The following ZNF761 variants were observed in gnomAD, a reference collection of about 807,000 sequenced individuals.
ZNF761 encodes zinc finger protein 761.
ZNF761 carries 43 observed loss-of-function variants against 59.9 expected under a neutral mutation model. The ratio of observed to expected loss-of-function variants is 0.72; its 90% CI spans 0.56 to 0.92. The LOEUF is 0.92. Among genes scored for constraint, ZNF761 ranks in the 40% least tolerant of loss-of-function variants. The pLI, the probability that ZNF761 is intolerant of heterozygous loss-of-function variation, is 0.00. For synonymous variants in ZNF761, 294 were observed against 304.8 expected (o/e 0.96, Z 0.37); for missense variants, 850 against 906.1 (o/e 0.94, Z 0.79).
intron 1 of ZNF761, among the ~76,000 whole-genome samples, chr19:53,445,785 C>T (rs139850911): frequency 0.022 from 3,370 of 152,258 alleles, 144 homozygotes; most frequent in African/African-American, 0.077. Flanking sequence ...TGTATGAGGA[C>T]ATCACAGCAA....
chr19:53,457,005 G>T lies in ZNF761; in HGVS notation c.*257G>T. 1 of 689,046 alleles carries T rather than the reference G, an allele frequency of 1.5e-6. No individual in the cohort carries two copies. The highest frequency in any genetic ancestry group is 2.5e-6 in the Non-Finnish European group (1 of 393,438). The allele number at this position is 689,046 out of a possible 1,614,324, so 42.7% of individuals were successfully genotyped here. On this transcript the variant is annotated 3_prime_UTR_variant, in exon 5 of 5. Coordinates refer to ENST00000684525, the MANE Select transcript of ZNF761 (RefSeq NM_001289951.2). ...AAACCATAAAAATGTAAGAGTTTGTGACAAGGCTTTTGGGCATGATTCGCA... is the reference window on the plus strand; with the variant it reads ...AAACCATAAAAATGTAAGAGTTTGTTACAAGGCTTTTGGGCATGATTCGCA...
At chr19:53,438,692 G>A (rs1282002904) in intron 1 of ZNF761, among the ~76,000 whole-genome samples, 18 of 152,150 alleles carry the variant, frequency 1.2e-4, no homozygotes, top group Non-Finnish European at 4.4e-5. Flanking sequence ...TCGGGTAGTC[G>A]GAGTTAGAAG....
chr19:53,453,602 G>T (rs1388440116), intron 4 of ZNF761, among the ~76,000 whole-genome samples: 1 of 152,194 alleles, frequency 6.6e-6, no homozygotes, highest in Non-Finnish European at 1.5e-5. Context: ...GCCACCAGAT[G>T]CTGTGGCTCA....
chr19:53,435,792 C>G (rs2086035905), intron 1 of ZNF761, among the ~76,000 whole-genome samples: 1 of 151,974 alleles, frequency 6.6e-6, no homozygotes, highest in Admixed American at 6.6e-5. Flanking sequence ...TCATATCCAG[C>G]AAGGACAGAA....
chr19:53,436,506 TGGA>T (rs886664104), intron 1 of ZNF761, among the ~76,000 whole-genome samples: 3 of 152,192 alleles, frequency 2.0e-5, no homozygotes, highest in African/African-American at 7.2e-5. Context: ...GCACCTGACT[TGGA>T]GGAGGACCAT....
intron 1 of ZNF761, among the ~76,000 whole-genome samples, chr19:53,432,888 G>A (rs2085987808): frequency 6.6e-6 from 1 of 151,690 alleles, no homozygotes; most frequent in African/African-American, 2.4e-5. Context: ...GGTAGGGAGA[G>A]GGACAGCAAA....
intron 1 of ZNF761, chr19:53,442,259 G>A (rs1229146718): frequency 4.6e-6 from 6 of 1,317,390 alleles, no homozygotes; most frequent in Non-Finnish European, 5.4e-6. Flanking sequence ...CTCGTAAGTT[G>A]GTGATCATTG....
At chr19:53,437,594 A>T (rs1459759904) in intron 1 of ZNF761, among the ~76,000 whole-genome samples, 3 of 152,132 alleles carry the variant, frequency 2.0e-5, no homozygotes, top group African/African-American at 7.2e-5. Context: ...CAGCGTGATC[A>T]TTGCTGCCTG....
chr19:53,452,545 T>C (rs2086230959), intron 4 of ZNF761, among the ~76,000 whole-genome samples: 1 of 151,758 alleles, frequency 6.6e-6, no homozygotes, highest in African/African-American at 2.4e-5. Context: ...GGTGACAGAG[T>C]GTGACTCGGT....
intron 4 of ZNF761, among the ~76,000 whole-genome samples, chr19:53,454,343 G>GT (rs2147142389): frequency 6.6e-6 from 1 of 152,190 alleles, no homozygotes; most frequent in South Asian, 2.1e-4. Context: ...ACAGTGATAT[G>GT]TTTTTTACAA....
intron 1 of ZNF761, among the ~76,000 whole-genome samples, chr19:53,432,693 G>A (rs2085985221): frequency 6.6e-6 from 1 of 151,884 alleles, no homozygotes; most frequent in Non-Finnish European, 1.5e-5. Flanking sequence ...ACAGAGAGCA[G>A]TGGAAAACCT....
At chr19:53,438,153 G>A (rs1179007290) in intron 1 of ZNF761, among the ~76,000 whole-genome samples, 1 of 128,532 alleles carries the variant, frequency 7.8e-6, no homozygotes, top group African/African-American at 2.8e-5. Flanking sequence ...GGTGTTTAGT[G>A]TTCTAAAGTT....
intron 4 of ZNF761, among the ~76,000 whole-genome samples, chr19:53,452,663 C>T (rs1419884953): frequency 6.6e-6 from 1 of 152,190 alleles, no homozygotes; most frequent in Non-Finnish European, 1.5e-5. Context: ...AGGTGCCAGC[C>T]AAATTGGTTC....
chr19:53,434,816 C>G (rs79516850), intron 1 of ZNF761, among the ~76,000 whole-genome samples: 1 of 152,126 alleles, frequency 6.6e-6, no homozygotes, highest in South Asian at 2.1e-4. Context: ...CTACAAACAA[C>G]ATGAGGAAAT....
At chr19:53,442,260 G>A in intron 1 of ZNF761, 2 of 1,322,496 alleles carry the variant, frequency 1.5e-6, no homozygotes, top group Non-Finnish European at 1.1e-6. Flanking sequence ...TCGTAAGTTG[G>A]TGATCATTGA....
chr19:53,443,235 A>G (rs780607881), intron 1 of ZNF761: 32 of 159,570 alleles, frequency 2.0e-4, no homozygotes, highest in Non-Finnish European at 2.2e-4. Context: ...TCCTTATGTC[A>G]TCTGTGAACA....
intron 4 of ZNF761, among the ~76,000 whole-genome samples, chr19:53,452,314 C>T (rs61544756): frequency 1.3e-5 from 2 of 152,162 alleles, no homozygotes; most frequent in Admixed American, 1.3e-4. Flanking sequence ...GAAACCCTGT[C>T]TCTACCAAAA....
In ZNF761 at chr19:53,456,178, G is replaced by C. The variant is rs2086268479; in HGVS notation, c.1671G>C (p.Lys557Asn). Reference protein sequence around the residue: ...EKPYKCKECGKTFNQQLTLKR... With the variant: ...EKPYKCKECGNTFNQQLTLKR... ...CTTACAAGTGTAAGGAGTGTGGCAA[G>C]ACCTTCAATCAGCAGTTAACCCTTA... The change falls in exon 5 of 5, where the codon AAG becomes AAC. Residue 557 changes from lysine (K) to asparagine (N), a missense_variant. Physicochemically the swap from Lys to Asn is moderately conservative, Grantham distance 94 (BLOSUM62 0). Coordinates refer to ENST00000684525, the MANE Select transcript of ZNF761 (RefSeq NM_001289951.2). 6.2e-7 allele frequency: 1 copy of C among 1,613,612 alleles called. No individual in the cohort carries two copies. The highest frequency in any genetic ancestry group is 1.1e-5 in the South Asian group (1 of 91,054).
chr19:53,433,170 C>G (rs1412510690), intron 1 of ZNF761, among the ~76,000 whole-genome samples: 1 of 152,240 alleles, frequency 6.6e-6, no homozygotes, highest in East Asian at 1.9e-4. Flanking sequence ...ATTTAAGATA[C>G]GCACCGGCTC....
Sources: allele counts gnomAD v4.1 joint callset (sites outside exome capture counted in the v4.1 genomes callset), GRCh38; gene constraint gnomAD v4.1.1; transcripts MANE v1.5; gene names NCBI Gene and HGNC (gene_info 2026-07-23, HGNC 2026-07-21).